CCDC80: variants seen among roughly 807,000 people sequenced by gnomAD.
The protein encoded by CCDC80 is coiled-coil domain-containing protein 80.
Under a neutral mutation model 78.7 loss-of-function variants are expected in CCDC80, and 49 were observed. That is an observed-to-expected ratio of 0.62 (90% CI 0.50 to 0.79). The LOEUF (loss-of-function observed/expected upper bound fraction) is 0.79, where lower values mean the gene tolerates loss of function less well. Ranked by LOEUF, CCDC80 falls within the 30% of genes least tolerant of loss-of-function variation. The pLI, the probability that CCDC80 is intolerant of heterozygous loss-of-function variation, is 0.00. For missense variants in CCDC80, 1,205 were observed against 1,198.6 expected, an observed-to-expected ratio of 1.01 and a Z score of -0.08; for synonymous variants, 488 against 447.0, an observed-to-expected ratio of 1.09 and a Z score of -1.16.
chr3:112,608,583 A>G (rs1316757700), intron 6 of CCDC80, among the ~76,000 whole-genome samples: 3 of 152,208 alleles, frequency 2.0e-5, no homozygotes, highest in Admixed American at 2.0e-4. Flanking sequence ...AATAGCTGCT[A>G]CAAAAGCATC....
chr3:112,622,822 A>ATTTTT (rs373170477), intron 3 of CCDC80, among the ~76,000 whole-genome samples: 24 of 118,898 alleles, frequency 2.0e-4, no homozygotes, highest in African/African-American at 4.8e-4. Flanking sequence ...TGCCCAGCTA[A>ATTTTT]TTTTTTTTTT....
rs1316216762 is a variant in CCDC80, at chr3:112,598,819, C to T, written c.*6598G>A. 1 of 152,274 alleles carries T rather than the reference C, an allele frequency of 6.6e-6. No homozygotes were observed. The highest frequency in any genetic ancestry group is 1.5e-5 in the Non-Finnish European group (1 of 68,090). 9.4% of individuals were successfully genotyped at this position (152,274 alleles called of 1,614,324 possible). ...ACCTGATGTCCTTGGAAGCTCCAGT[C>T]TGGCTGTAAGGAGATGATGAGGGGT... On this transcript the variant is annotated 3_prime_UTR_variant, in exon 8 of 8. Transcript: ENST00000206423.
chr3:112,633,982 C>T (rs1936155956), intron 2 of CCDC80, among the ~76,000 whole-genome samples: 1 of 152,150 alleles, frequency 6.6e-6, no homozygotes, highest in Non-Finnish European at 1.5e-5. Flanking sequence ...TTTTTCATGG[C>T]TTCTGTTCCA....
rs1240687247 is a variant in CCDC80 at position 112,602,992 on chromosome 3, AG to A, written c.*2424del. ...GCCTCACTTCAAAGCTTCAACCAAC[AG>A]GCTTACTCCTTGTTAGAAGTTAACG... On this transcript the variant is annotated 3_prime_UTR_variant, in exon 8 of 8. Transcript: ENST00000206423. The A allele has an allele frequency of 1.3e-5, 2 of 152,258 alleles. No homozygotes were observed. Among genetic ancestry groups the A allele is most frequent in the Non-Finnish European group, 2.9e-5 (2 of 68,058 alleles). 9.4% of individuals were successfully genotyped at this position (152,258 alleles called of 1,614,324 possible).
rs1364711534 is a variant in CCDC80 at position 112,639,709 on chromosome 3, A to C, written c.197T>G (p.Leu66Arg). 2 of 1,614,184 alleles carry C rather than the reference A, an allele frequency of 1.2e-6. No homozygotes were observed. Among genetic ancestry groups the C allele is most frequent in the Non-Finnish European group, 8.5e-7 (1 of 1,180,024 alleles). ...GAGAGGCTGAAGGTTTGGTTCCTCC[A>C]GAGTGGATCTCTCAATTCCGCGAGA... ...GRSRGIERST[L>R]EEPNLQPLQR... Residue 66 changes from leucine (L) to arginine (R), a missense_variant, in exon 2 of 8, where the codon CTG becomes CGG. Transcript: ENST00000206423.
rs1157726308 is a variant in CCDC80, at chr3:112,603,227, T to A, written c.*2190A>T. On this transcript the variant is annotated 3_prime_UTR_variant, in exon 8 of 8. Coordinates refer to ENST00000206423, the MANE Select transcript of CCDC80 (RefSeq NM_199511.3). Reference sequence around the variant, plus strand: ...CTGCTCAGAAAAAAAAAGAATCTTTTAAAAATATTGCTGTTCGGGCCGGGC... The same window carrying A: ...CTGCTCAGAAAAAAAAAGAATCTTTAAAAAATATTGCTGTTCGGGCCGGGC... 2 of 152,112 alleles carry A rather than the reference T, an allele frequency of 1.3e-5. No individual in the cohort carries two copies. Among genetic ancestry groups the A allele is most frequent in the African/African-American group, 2.4e-5 (1 of 41,412 alleles). The allele number at this position is 152,112 out of a possible 1,614,324, so 9.4% of individuals were successfully genotyped here. A position where few individuals can be genotyped will look rare whatever the true frequency, so the allele number is the denominator to read the frequency against.
intron 4 of CCDC80, 138 bp from the exon 5 acceptor site, chr3:112,616,996 T>A: frequency 1.2e-6 from 1 of 822,586 alleles, no homozygotes; most frequent in Non-Finnish European, 1.9e-6. Flanking sequence ...CATTGCTTCA[T>A]AAATGCTCTC....
Position 112,600,908 on chromosome 3 carries a change from G to T in CCDC80, c.*4509C>A, listed in dbSNP as rs1307609236. 6.6e-6 allele frequency: 1 copy of T among 152,080 alleles called. No individual in the cohort carries two copies. Among genetic ancestry groups the T allele is most frequent in the African/African-American group, 2.4e-5 (1 of 41,418 alleles). 9.4% of individuals were successfully genotyped at this position (152,080 alleles called of 1,614,324 possible). A position where few individuals can be genotyped will look rare whatever the true frequency, so the allele number is the denominator to read the frequency against. ...AAGGTAAAGAAATCCATTTTTATTG[G>T]CAACTTTGGGCTATGCTTCATCCTG... On this transcript the variant is annotated 3_prime_UTR_variant, in exon 8 of 8. Coordinates refer to ENST00000206423, the MANE Select transcript of CCDC80 (RefSeq NM_199511.3).
chr3:112,612,578 C>CAA (rs911634664), intron 5 of CCDC80, among the ~76,000 whole-genome samples: 1 of 152,172 alleles, frequency 6.6e-6, no homozygotes, highest in Non-Finnish European at 1.5e-5. Flanking sequence ...TTATTTTAGA[C>CAA]AAATTGTTTT....
intron 3 of CCDC80, among the ~76,000 whole-genome samples, chr3:112,624,121 G>A (rs558001293): frequency 6.6e-6 from 1 of 152,292 alleles, no homozygotes; most frequent in South Asian, 2.1e-4. Context: ...GATAAGGTGA[G>A]TGATTCTGGG....
rs1471656130 is a variant in CCDC80 at position 112,639,674 on chromosome 3, T to G, written c.232A>C (p.Arg78=). 6.2e-7 allele frequency: 1 copy of G among 1,614,136 alleles called. No homozygotes were observed. The highest frequency in any genetic ancestry group is 2.2e-5 in the East Asian group (1 of 44,884). The change falls in exon 2 of 8, where the codon AGG becomes CGG. Residue 78 remains arginine, a synonymous_variant. Transcript: ENST00000206423. ...EPNLQPLQRR[R]SVPVLRLARP... ...GCTAGTCTCAACACGGGCACACTCCTCCTTCTCTGGAGAGGCTGAAGGTTT... is the reference window on the plus strand; with the variant it reads ...GCTAGTCTCAACACGGGCACACTCCGCCTTCTCTGGAGAGGCTGAAGGTTT...
In CCDC80 at chr3:112,603,514, C is replaced by T. The variant is rs1210078345; in HGVS notation, c.*1903G>A. 6 of 137,768 alleles carry T rather than the reference C, an allele frequency of 4.4e-5. No individual in the cohort carries two copies. Among genetic ancestry groups the T allele is most frequent in the South Asian group, 4.5e-4 (2 of 4,466 alleles). The allele number at this position is 137,768 out of a possible 1,614,324, so 8.5% of individuals were successfully genotyped here. A position where few individuals can be genotyped will look rare whatever the true frequency, so the allele number is the denominator to read the frequency against. On this transcript the variant is annotated 3_prime_UTR_variant, in exon 8 of 8. Transcript: ENST00000206423. ...TGGGTGACAGAGCGAGACTCCATCT[C>T]GAAAAAAATATATATATATATAATA...
intron 5 of CCDC80, 139 bp from the exon 6 acceptor site, chr3:112,610,220 A>C (rs1387326564): frequency 1.4e-6 from 1 of 716,476 alleles, no homozygotes; most frequent in African/African-American, 1.8e-5. Context: ...GAACTGTCCC[A>C]TGCTTCTCAA....
intron 3 of CCDC80, among the ~76,000 whole-genome samples, chr3:112,629,526 C>T (rs1311900620): frequency 2.6e-5 from 4 of 152,172 alleles, no homozygotes; most frequent in African/African-American, 9.7e-5. Context: ...TCATGAGTCT[C>T]ACATGCACCA....
At chr3:112,629,429 G>A (rs1936050800) in intron 3 of CCDC80, among the ~76,000 whole-genome samples, 1 of 152,092 alleles carries the variant, frequency 6.6e-6, no homozygotes, top group Admixed American at 6.5e-5. Flanking sequence ...TGACTATGAG[G>A]CTTAACTAAT....
intron 5 of CCDC80, among the ~76,000 whole-genome samples, chr3:112,614,508 A>AC (rs1276919778): frequency 6.6e-6 from 1 of 151,940 alleles, no homozygotes; most frequent in Non-Finnish European, 1.5e-5. Flanking sequence ...GTGTTTTAAT[A>AC]CCCCCGAGAC....
chr3:112,626,222 A>T (rs1935968816), intron 3 of CCDC80, among the ~76,000 whole-genome samples: 1 of 152,190 alleles, frequency 6.6e-6, no homozygotes, highest in South Asian at 2.1e-4. Flanking sequence ...AATGATTGAT[A>T]AGTAAAGACT....
chr3:112,614,256 A>G (rs1382220538), intron 5 of CCDC80, among the ~76,000 whole-genome samples: 3 of 152,210 alleles, frequency 2.0e-5, no homozygotes, highest in Non-Finnish European at 4.4e-5. Flanking sequence ...AGTGATGGCA[A>G]AAATTTGCTA....
intron 2 of CCDC80, among the ~76,000 whole-genome samples, chr3:112,635,128 A>G (rs1936179428): frequency 6.6e-6 from 1 of 152,174 alleles, no homozygotes; most frequent in Non-Finnish European, 1.5e-5. Flanking sequence ...TCAGCCTGTA[A>G]CCCACATCAT....
Sources: allele counts gnomAD v4.1 joint callset (sites outside exome capture counted in the v4.1 genomes callset), GRCh38; gene constraint gnomAD v4.1.1; transcripts MANE v1.5; gene names NCBI Gene and HGNC (gene_info 2026-07-23, HGNC 2026-07-21).